The following EPB41L4A variants were observed in gnomAD, a reference collection of about 807,000 sequenced individuals.
EPB41L4A encodes band 4.1-like protein 4A.
Under a neutral mutation model 108.6 loss-of-function variants are expected in EPB41L4A, and 100 were observed. The ratio of observed to expected loss-of-function variants is 0.92; its 90% CI spans 0.78 to 1.09. The LOEUF (loss-of-function observed/expected upper bound fraction) is 1.09, where lower values mean the gene tolerates loss of function less well. Ranked by LOEUF, EPB41L4A falls within the 50% of genes least tolerant of loss-of-function variation. The probability of loss-of-function intolerance (pLI) is 0.00; values close to 1 mark genes in which losing one functional copy is unlikely to be tolerated. For synonymous variants in EPB41L4A, 319 were observed against 289.0 expected (o/e 1.10, Z -1.05); for missense variants, 1,030 against 842.7 (o/e 1.22, Z -2.75).
chr5:112,218,995 T>G (rs1747844659), intron 12 of EPB41L4A, among the ~76,000 whole-genome samples: 1 of 152,200 alleles, frequency 6.6e-6, no homozygotes, highest in Non-Finnish European at 1.5e-5. Flanking sequence ...CCATACCGAT[T>G]CGTTGTGTCA....
At chr5:112,236,435 T>C (rs906198996) in intron 11 of EPB41L4A, among the ~76,000 whole-genome samples, 1 of 152,234 alleles carries the variant, frequency 6.6e-6, no homozygotes, top group African/African-American at 2.4e-5. Context: ...TTCAGAAAGT[T>C]ATTTGTAAAA....
chr5:112,239,768 A>G (rs751586846), intron 10 of EPB41L4A, 31 bp from the exon 11 acceptor site: 54 of 1,523,276 alleles, frequency 3.5e-5, no homozygotes, highest in Non-Finnish European at 4.9e-5. Context: ...AATCAGACAA[A>G]GACTCAATGT....
At chr5:112,198,509 G>A (rs1006748685) in intron 15 of EPB41L4A, among the ~76,000 whole-genome samples, 1 of 152,118 alleles carries the variant, frequency 6.6e-6, no homozygotes, top group Admixed American at 6.5e-5. Flanking sequence ...ATGCTTAGTG[G>A]GTTCTTCTCT....
intron 1 of EPB41L4A, among the ~76,000 whole-genome samples, chr5:112,317,297 G>T (rs1755492256): frequency 6.6e-6 from 1 of 152,164 alleles, no homozygotes; most frequent in Non-Finnish European, 1.5e-5. Flanking sequence ...AAAGAACTAT[G>T]CTAGATGATT....
At chr5:112,216,362 T>C (rs1193006465) in intron 12 of EPB41L4A, among the ~76,000 whole-genome samples, 1 of 152,220 alleles carries the variant, frequency 6.6e-6, no homozygotes, top group African/African-American at 2.4e-5. Context: ...TTGATGTTAC[T>C]TAAATGTTGC....
At chr5:112,383,853 C>A (rs1760323082) in intron 1 of EPB41L4A, among the ~76,000 whole-genome samples, 1 of 151,892 alleles carries the variant, frequency 6.6e-6, no homozygotes, top group Non-Finnish European at 1.5e-5. Flanking sequence ...AGTTATCTGT[C>A]AATAAATAAA....
At chr5:112,340,793 C>A (rs909657969) in intron 1 of EPB41L4A, among the ~76,000 whole-genome samples, 1 of 152,170 alleles carries the variant, frequency 6.6e-6, no homozygotes, top group Non-Finnish European at 1.5e-5. Context: ...TATGTCTACT[C>A]CCTGGATAGA....
At chr5:112,218,352 C>G (rs1052008113) in intron 12 of EPB41L4A, among the ~76,000 whole-genome samples, 2 of 152,182 alleles carry the variant, frequency 1.3e-5, no homozygotes, top group Non-Finnish European at 2.9e-5. Context: ...CAAGAGGTGT[C>G]ACGAGTCACT....
intron 1 of EPB41L4A, among the ~76,000 whole-genome samples, chr5:112,320,276 G>A (rs1580679120): frequency 6.6e-6 from 1 of 152,120 alleles, no homozygotes; most frequent in Non-Finnish European, 1.5e-5. Flanking sequence ...AAAGAGGAAG[G>A]AGAAGGCTGT....
Position 112,255,945 on chromosome 5 carries a change from C to T in EPB41L4A, c.795+3284G>A, listed in dbSNP as rs955575119. 1.3e-5 allele frequency among the ~76,000 whole-genome samples: 2 copies of T among 152,108 alleles called. 1 individual carries two copies. The highest frequency in any genetic ancestry group is 4.2e-4 in the South Asian group (2 of 4,816). ...ACCTGATGATAGCTCTATACTTATACCTCCTGCTTCTCAGGCCAAACTCGT... is the reference window on the plus strand; with the variant it reads ...ACCTGATGATAGCTCTATACTTATATCTCCTGCTTCTCAGGCCAAACTCGT... On this transcript the variant is annotated intron_variant, in intron 9 of 22. Transcript: ENST00000261486.
rs150662904 is a variant in EPB41L4A at position 112,223,175 on chromosome 5, G to A, written c.1087+11459C>T. On this transcript the variant is annotated intron_variant, in intron 12 of 22. Transcript: ENST00000261486. ...GGCTGGTCTTGAACTCCTGACCTCT[G>A]GTGATCTGCCCGCCTTGGCCTCCCA... Among the ~76,000 whole-genome samples the A allele has an allele frequency of 3.1e-3, 476 of 151,878 alleles. 1 individual carries two copies. The highest frequency in any genetic ancestry group is 0.011 in the African/African-American group (454 of 41,410).
intron 1 of EPB41L4A, 129 bp from the exon 2 acceptor site, chr5:112,307,619 CT>C (rs373905600): frequency 6.8e-4 from 344 of 508,380 alleles, no homozygotes; most frequent in Non-Finnish European, 9.3e-4. Context: ...TGGTTCTTCT[CT>C]GTAAGTTGTG....
At chr5:112,394,628 A>G (rs1237401220) in intron 1 of EPB41L4A, among the ~76,000 whole-genome samples, 3 of 152,284 alleles carry the variant, frequency 2.0e-5, no homozygotes, top group South Asian at 4.1e-4. Flanking sequence ...ATGCTCATGG[A>G]TAGGAAGAAT....
chr5:112,215,537 C>T lies in EPB41L4A; in HGVS notation c.1088-5555G>A, dbSNP rs557778938. Reference sequence around the variant, plus strand: ...CAGCACTTTGGGAGGCCAAGGCGGGCGGATCATGAGGTCAGGAGATCGAGA... The same window carrying T: ...CAGCACTTTGGGAGGCCAAGGCGGGTGGATCATGAGGTCAGGAGATCGAGA... On this transcript the variant is annotated intron_variant, in intron 12 of 22. Transcript: ENST00000261486. Among the ~76,000 whole-genome samples, 35 of 152,090 alleles carry T rather than the reference C, an allele frequency of 2.3e-4. 1 individual carries two copies. The highest frequency in any genetic ancestry group is 6.2e-4 in the South Asian group (3 of 4,818).
chr5:112,225,462 A>G (rs1748385942), intron 12 of EPB41L4A, among the ~76,000 whole-genome samples: 1 of 152,218 alleles, frequency 6.6e-6, no homozygotes, highest in Non-Finnish European at 1.5e-5. Context: ...CTTATTGAGA[A>G]TGTCTCTATT....
At chr5:112,178,564 A>T (rs1760988508) in intron 18 of EPB41L4A, among the ~76,000 whole-genome samples, 5 of 151,970 alleles carry the variant, frequency 3.3e-5, no homozygotes, top group Admixed American at 2.6e-4. Context: ...ATTTCAAGGG[A>T]TTAAAACTGT....
At chr5:112,397,487 G>A (rs2112720674) in intron 1 of EPB41L4A, among the ~76,000 whole-genome samples, 2 of 152,206 alleles carry the variant, frequency 1.3e-5, no homozygotes, top group Admixed American at 1.3e-4. Context: ...TGTAAAGTGA[G>A]TGGCAGATGC....
At chr5:112,232,763 T>C (rs145992696) in intron 12 of EPB41L4A, among the ~76,000 whole-genome samples, 18 of 152,328 alleles carry the variant, frequency 1.2e-4, no homozygotes, top group Non-Finnish European at 2.2e-4. Context: ...AGACCTGGGC[T>C]CCTGTCCCAG....
chr5:112,144,882 G>C (rs187434251), intron 13 of EPB41L4A, among the ~76,000 whole-genome samples: 1 of 152,170 alleles, frequency 6.6e-6, no homozygotes, highest in Non-Finnish European at 1.5e-5. Flanking sequence ...GAATTGAAAA[G>C]AGGGTAGTCC....
Sources: gnomAD v4.1 joint callset for allele counts (sites outside exome capture counted in the v4.1 genomes callset) on GRCh38, gnomAD v4.1.1 for gene constraint, MANE v1.5 for transcripts, NCBI Gene and HGNC (gene_info 2026-07-23, HGNC 2026-07-21) for gene names.